Variants in RORB observed in about 807,000 individuals in gnomAD.
RORB encodes nuclear receptor ROR-beta.
RORB carries 6 observed loss-of-function variants against 59.1 expected under a neutral mutation model. The ratio of observed to expected loss-of-function variants is 0.10; its 90% CI spans 0.06 to 0.20. RORB has a LOEUF of 0.20. Among genes scored for constraint, RORB ranks in the 10% least tolerant of loss-of-function variants. The pLI is 1.00. For synonymous variants in RORB, 215 were observed against 204.5 expected (o/e 1.05, Z -0.44); for missense variants, 320 against 560.5 (o/e 0.57, Z 4.33).
At chr9:74,563,416 C>A (rs1822427846) in intron 1 of RORB, among the ~76,000 whole-genome samples, 1 of 152,250 alleles carries the variant, frequency 6.6e-6, no homozygotes, top group African/African-American at 2.4e-5. Context: ...AAACTCCTGA[C>A]CTTGTGATCC....
chr9:74,656,275 T>C (rs1438324200), intron 4 of RORB, among the ~76,000 whole-genome samples: 5 of 152,184 alleles, frequency 3.3e-5, no homozygotes, highest in Admixed American at 3.3e-4. Flanking sequence ...GTCCCATGTA[T>C]TCTCCTTCAA....
At chr9:74,571,585 C>A (rs1822553056) in intron 1 of RORB, among the ~76,000 whole-genome samples, 2 of 152,000 alleles carry the variant, frequency 1.3e-5, no homozygotes, top group African/African-American at 4.8e-5. Flanking sequence ...GATATTTTAA[C>A]CAAATATTAT....
intron 1 of RORB, among the ~76,000 whole-genome samples, chr9:74,518,078 A>T (rs1826033863): frequency 6.6e-6 from 1 of 151,972 alleles, no homozygotes; most frequent in Non-Finnish European, 1.5e-5. Flanking sequence ...TTACAGACCT[A>T]TGGCTACAAG....
intron 1 of RORB, among the ~76,000 whole-genome samples, chr9:74,622,961 G>C (rs999872269): frequency 8.5e-5 from 13 of 152,070 alleles, no homozygotes; most frequent in Non-Finnish European, 5.9e-5. Flanking sequence ...ACAGATGAGA[G>C]GAATGCCATA....
chr9:74,561,520 A>T (rs765089625), intron 1 of RORB, among the ~76,000 whole-genome samples: 44 of 152,180 alleles, frequency 2.9e-4, no homozygotes, highest in Non-Finnish European at 5.4e-4. Flanking sequence ...ACAAAATTGG[A>T]AACATTCAAA....
Position 74,594,311 on chromosome 9 carries a change from C to T in RORB, c.8-35971C>T, listed in dbSNP as rs530436931. 1.4e-3 allele frequency among the ~76,000 whole-genome samples: 219 copies of T among 152,296 alleles called. 1 individual carries two copies. Among genetic ancestry groups the T allele is most frequent in the African/African-American group, 4.9e-3 (204 of 41,576 alleles). ...TGCCCATGATGCATCCAAGGACTCA[C>T]AGCTGTCAGCACACCCCTCTCATAC... On this transcript the variant is annotated intron_variant, in intron 1 of 9. Coordinates refer to ENST00000376896, the MANE Select transcript of RORB (RefSeq NM_006914.4).
At chr9:74,605,296 A>C (rs1823131339) in intron 1 of RORB, among the ~76,000 whole-genome samples, 1 of 152,220 alleles carries the variant, frequency 6.6e-6, no homozygotes, top group African/African-American at 2.4e-5. Context: ...TACGGCAGGT[A>C]GTCAAATTTC....
chr9:74,616,585 A>G (rs974801172), intron 1 of RORB, among the ~76,000 whole-genome samples: 1 of 152,198 alleles, frequency 6.6e-6, no homozygotes, highest in African/African-American at 2.4e-5. Flanking sequence ...GTCTTTAAGT[A>G]ACTATCCTTG....
chr9:74,589,080 T>C (rs916493827), intron 1 of RORB, among the ~76,000 whole-genome samples: 2 of 152,196 alleles, frequency 1.3e-5, no homozygotes, highest in Non-Finnish European at 2.9e-5. Flanking sequence ...ACTTATTGGA[T>C]GTCCAATTAC....
intron 2 of RORB, among the ~76,000 whole-genome samples, chr9:74,633,625 G>A (rs965856327): frequency 6.6e-6 from 1 of 152,100 alleles, no homozygotes; most frequent in Non-Finnish European, 1.5e-5. Flanking sequence ...ATCTATCTCT[G>A]GAGAAAATGC....
At chr9:74,530,050 T>A (rs905338335) in intron 1 of RORB, among the ~76,000 whole-genome samples, 7 of 152,022 alleles carry the variant, frequency 4.6e-5, no homozygotes, top group Non-Finnish European at 1.0e-4. Flanking sequence ...CCCAAATGTA[T>A]AAGCACTTCA....
In RORB at chr9:74,634,740, A is replaced by G; in HGVS notation, c.203A>G (p.Gln68Arg). 6.2e-7 allele frequency: 1 copy of G among 1,613,636 alleles called. No homozygotes were observed. Among genetic ancestry groups the G allele is most frequent in the Non-Finnish European group, 8.5e-7 (1 of 1,179,676 alleles). The change falls in exon 3 of 10, where the codon CAG becomes CGG. Residue 68 changes from glutamine to arginine, a missense_variant. Gln to Arg is a conservative substitution (Grantham distance 43). This residue lies in a region of RORB where 37 missense variants were observed against 116.4 expected (regional missense o/e 0.32). Coordinates refer to ENST00000376896, the MANE Select transcript of RORB (RefSeq NM_006914.4). ...AACCGTTGCCAACACTGCCGACTGC[A>G]GAAGTGTCTTGCCCTAGGAATGTCA... ...NRNRCQHCRL[Q>R]KCLALGMSRD...
intron 1 of RORB, among the ~76,000 whole-genome samples, chr9:74,503,017 T>A (rs1001594545): frequency 6.6e-6 from 1 of 152,078 alleles, no homozygotes. Flanking sequence ...TATTGTGATG[T>A]TAAAATATAT....
intron 3 of RORB, among the ~76,000 whole-genome samples, chr9:74,637,723 A>G (rs566143197): frequency 7.2e-4 from 109 of 152,320 alleles, no homozygotes; most frequent in African/African-American, 2.6e-3. Flanking sequence ...AAGTTGCCCT[A>G]AAAGGACAGG....
intron 1 of RORB, among the ~76,000 whole-genome samples, chr9:74,542,702 G>C (rs1826427513): frequency 6.6e-6 from 1 of 152,112 alleles, no homozygotes; most frequent in Non-Finnish European, 1.5e-5. Context: ...CAAAAATTGT[G>C]GCTAACTCTA....
At chr9:74,538,728 C>CAAA (rs36123845) in intron 1 of RORB, among the ~76,000 whole-genome samples, 18 of 143,526 alleles carry the variant, frequency 1.3e-4, no homozygotes, top group African/African-American at 3.6e-4. Context: ...GACAAAGATG[C>CAAA]AAAAAAAAAA....
At chr9:74,672,846 A>G in intron 9 of RORB, among the ~76,000 whole-genome samples, 1 of 152,142 alleles carries the variant, frequency 6.6e-6, no homozygotes, top group Admixed American at 6.6e-5. Flanking sequence ...GATCATAGGA[A>G]TCCTACTCTT....
intron 1 of RORB, among the ~76,000 whole-genome samples, chr9:74,600,437 G>C (rs1823037406): frequency 6.6e-6 from 1 of 152,174 alleles, no homozygotes; most frequent in Admixed American, 6.5e-5. Flanking sequence ...GAGGTGCTTT[G>C]GCCATCTTGC....
intron 1 of RORB, among the ~76,000 whole-genome samples, chr9:74,529,189 A>G (rs982139178): frequency 6.6e-6 from 1 of 152,012 alleles, no homozygotes; most frequent in Admixed American, 6.6e-5. Context: ...TTTTCTTGAT[A>G]CAGGGGAGAG....
Sources: allele counts gnomAD v4.1 joint callset (sites outside exome capture counted in the v4.1 genomes callset), GRCh38; gene constraint gnomAD v4.1.1; regional missense constraint gnomAD v4.1.1; transcripts MANE v1.5; gene names NCBI Gene and HGNC (gene_info 2026-07-23, HGNC 2026-07-21).